Variants in AMZ2 observed in about 807,000 individuals in gnomAD.
AMZ2 encodes archaelysin family metallopeptidase 2.
A neutral mutation model predicts 36.7 loss-of-function variants in AMZ2; 26 were observed. The ratio of observed to expected loss-of-function variants is 0.71; its 90% CI spans 0.52 to 0.98. The LOEUF (loss-of-function observed/expected upper bound fraction) is 0.98, where lower values mean the gene tolerates loss of function less well. AMZ2 is among the 50% of genes least tolerant of loss of function. AMZ2 has a pLI of 0.00. For synonymous variants in AMZ2, 144 were observed against 149.1 expected (o/e 0.97, Z 0.25); for missense variants, 394 against 430.5 (o/e 0.92, Z 0.75).
chr17:68,219,612 G>A (rs1353410433), intron 1 of AMZ2, among the ~76,000 whole-genome samples: 2 of 151,866 alleles, frequency 1.3e-5, no homozygotes, highest in Non-Finnish European at 2.9e-5. Context: ...GGCCACTTTC[G>A]CTTTGACTTC....
intron 1 of AMZ2, among the ~76,000 whole-genome samples, chr17:68,209,608 ATG>A (rs61308199): frequency 0.013 from 1,505 of 113,394 alleles, 61 homozygotes; most frequent in African/African-American, 0.053. Context: ...GTGTGTGTAT[ATG>A]TATATATATA....
At chr17:68,241,645 C>G (rs1555733990) in intron 1 of AMZ2, among the ~76,000 whole-genome samples, 1 of 152,076 alleles carries the variant, frequency 6.6e-6, no homozygotes, top group East Asian at 1.9e-4. Context: ...CTTTTCATTA[C>G]AATGCTTTTA....
chr17:68,217,930 A>G (rs2073242843), intron 1 of AMZ2, among the ~76,000 whole-genome samples: 1 of 150,628 alleles, frequency 6.6e-6, no homozygotes, highest in Admixed American at 6.7e-5. Context: ...CTCCTGCCTC[A>G]GCCTCCTGAG....
At chr17:68,209,628 A>ATTTTTT (rs1322446681) in intron 1 of AMZ2, among the ~76,000 whole-genome samples, 7 of 98,520 alleles carry the variant, frequency 7.1e-5, no homozygotes, top group African/African-American at 2.5e-4. Context: ...ATATATATAT[A>ATTTTTT]TATATTTTTT....
chr17:68,247,956 A>T (rs1192734693), upstream of AMZ2: 3 of 984,428 alleles, frequency 3.0e-6, no homozygotes, highest in African/African-American at 5.2e-5. Flanking sequence ...GTGGGTCGTG[A>T]GTTGGGCGGG....
At position 68,210,399 on chromosome 17, in the gene AMZ2, A is replaced by C. The variant is rs575528239; in HGVS notation, c.-67+4161A>C. On this transcript the variant is annotated intron_variant, in intron 1 of 7. Transcript: ENST00000674770. ...CATGTTACAACATGGAGAACCCTTG[A>C]GGGCATTATGCTAAGCGAAATAAGC... Among the ~76,000 whole-genome samples, 21 of 152,372 alleles carry C rather than the reference A, an allele frequency of 1.4e-4. No homozygotes were observed. In the South Asian group the frequency reaches 4.1e-3, roughly 30 times the overall value.
rs1252501430 is a variant in AMZ2 at position 68,248,162 on chromosome 17, G to T, written c.-544G>T. The stretch of plus-strand genomic sequence containing the variant: ...GAGCTGGGCCGGGGCCCCTAGGCAG[G>T]GTAGCCGGGTCGTAGAGGCGGGGGC... On this transcript the variant is annotated 5_prime_UTR_variant, in exon 1 of 7. Coordinates refer to ENST00000359904, the MANE Select transcript of AMZ2 (RefSeq NM_016627.5). 2 of 986,338 alleles carry T rather than the reference G, an allele frequency of 2.0e-6. No homozygotes were observed. Among genetic ancestry groups the T allele is most frequent in the African/African-American group, 3.5e-5 (2 of 57,262 alleles). The allele number at this position is 986,338 out of a possible 1,614,324, so 61.1% of individuals were successfully genotyped here.
intron 1 of AMZ2, among the ~76,000 whole-genome samples, chr17:68,230,421 G>A (rs140792148): frequency 1.5e-4 from 23 of 152,278 alleles, no homozygotes; most frequent in African/African-American, 4.1e-4. Context: ...CCCTCCATGC[G>A]TGCCCCTTGG....
Position 68,250,199 on chromosome 17 carries a change from AC to A in AMZ2, c.13del (p.Arg5GlyfsTer7). 6.2e-7 allele frequency: 1 copy of A among 1,612,878 alleles called. No individual in the cohort carries two copies. Among genetic ancestry groups the A allele is most frequent in the East Asian group, 2.2e-5 (1 of 44,878 alleles). MQII[R>X]HSEQTLKTAL... Reference sequence around the variant, plus strand: ...CTTTTTTTTGTTAGATGCAAATAATACGGCACTCCGAACAGACACTAAAAAC... The same window carrying A: ...CTTTTTTTTGTTAGATGCAAATAATAGGCACTCCGAACAGACACTAAAAAC... On this transcript the variant is annotated frameshift_variant, in exon 2 of 7. Transcript: ENST00000359904. LOFTEE classifies it high-confidence loss of function.
chr17:68,208,087 G>A (rs1214044809), intron 1 of AMZ2, among the ~76,000 whole-genome samples: 5 of 152,196 alleles, frequency 3.3e-5, no homozygotes, highest in African/African-American at 1.2e-4. Context: ...CGCCATGCCT[G>A]AGCCTCCCCT....
chr17:68,232,541 G>C (rs1348109663), intron 1 of AMZ2, among the ~76,000 whole-genome samples: 1 of 150,584 alleles, frequency 6.6e-6, no homozygotes, highest in African/African-American at 2.4e-5. Context: ...AAAATGAAAG[G>C]TCAAAGGAAA....
At chr17:68,239,179 C>T (rs183837910) in intron 1 of AMZ2, among the ~76,000 whole-genome samples, 85 of 152,224 alleles carry the variant, frequency 5.6e-4, no homozygotes, top group African/African-American at 1.9e-3. Context: ...TGCATAGAGC[C>T]CTGGCTCTGA....
In AMZ2 at chr17:68,237,980, G is replaced by A. The variant is rs112133152; in HGVS notation, c.-66-10660G>A. Among the ~76,000 whole-genome samples the A allele has an allele frequency of 7.9e-3, 1,202 of 152,286 alleles. 13 individuals are homozygous for A. The highest frequency in any genetic ancestry group is 0.028 in the African/African-American group (1,148 of 41,548). ...CTGTTTTACGTTTGGTTGGTGCTGAGACACTTCCTCTTTCATATTTGTCTT... is the reference window on the plus strand; with the variant it reads ...CTGTTTTACGTTTGGTTGGTGCTGAAACACTTCCTCTTTCATATTTGTCTT... On this transcript the variant is annotated intron_variant, in intron 1 of 7. Transcript: ENST00000674770.
intron 4 of AMZ2, among the ~76,000 whole-genome samples, chr17:68,252,964 C>T (rs1386762790): frequency 6.6e-6 from 1 of 152,162 alleles, no homozygotes; most frequent in African/African-American, 2.4e-5. Flanking sequence ...TTAAATATTA[C>T]ATGACATAAA....
intron 1 of AMZ2, among the ~76,000 whole-genome samples, chr17:68,229,150 G>A (rs1555730628): frequency 1.3e-5 from 2 of 152,172 alleles, no homozygotes; most frequent in Non-Finnish European, 2.9e-5. Context: ...TGTCTCTTCT[G>A]GTTTTTGCTA....
chr17:68,250,229 T>A lies in AMZ2; in HGVS notation c.42T>A (p.Ala14=). The change falls in exon 2 of 7, where the codon GCT becomes GCA. Residue 14 remains alanine (A), a synonymous_variant. Transcript: ENST00000359904. ...ACTCCGAACAGACACTAAAAACAGCTCTCATCTCAAAGAACCCAGTGCTTG... is the reference window on the plus strand; with the variant it reads ...ACTCCGAACAGACACTAAAAACAGCACTCATCTCAAAGAACCCAGTGCTTG... ...IRHSEQTLKT[A]LISKNPVLVS... 6.2e-7 allele frequency: 1 copy of A among 1,614,182 alleles called. No individual in the cohort carries two copies. The highest frequency in any genetic ancestry group is 8.5e-7 in the Non-Finnish European group (1 of 1,180,038).
chr17:68,233,527 AAG>A (rs1327341540), intron 1 of AMZ2, among the ~76,000 whole-genome samples: 74 of 107,142 alleles, frequency 6.9e-4, no homozygotes, highest in Admixed American at 5.7e-3. Context: ...AAAAAAAAAA[AAG>A]AGAGAAATTG....
upstream of AMZ2, among the ~76,000 whole-genome samples, chr17:68,243,582 T>C (rs1479734284): frequency 6.6e-6 from 1 of 152,264 alleles, no homozygotes; most frequent in Non-Finnish European, 1.5e-5. Flanking sequence ...AATAATATTT[T>C]GGTGACTATC....
chr17:68,246,396 G>GT (rs1187487400), upstream of AMZ2, among the ~76,000 whole-genome samples: 3 of 151,974 alleles, frequency 2.0e-5, no homozygotes, highest in African/African-American at 7.3e-5. Context: ...AAGATGTGCT[G>GT]TAATTGTCTC....
Sources: allele counts gnomAD v4.1 joint callset (sites outside exome capture counted in the v4.1 genomes callset), GRCh38; gene constraint gnomAD v4.1.1; transcripts MANE v1.5; gene names NCBI Gene and HGNC (gene_info 2026-07-23, HGNC 2026-07-21).